NRXN1: variants seen among roughly 807,000 people sequenced by gnomAD.
NRXN1 encodes the protein neurexin 1.
Under a neutral mutation model 150.9 loss-of-function variants are expected in NRXN1, and 39 were observed. The observed-to-expected ratio is 0.26, with a 90% confidence interval of 0.20 to 0.34. The LOEUF (loss-of-function observed/expected upper bound fraction) is 0.34, where lower values mean the gene tolerates loss of function less well. Among genes scored for constraint, NRXN1 ranks in the 10% least tolerant of loss-of-function variants. NRXN1 has a pLI of 1.00. For synonymous variants in NRXN1, 924 were observed against 757.0 expected, an observed-to-expected ratio of 1.22 and a Z score of -3.62; for missense variants, 1,815 against 1,949.9, an observed-to-expected ratio of 0.93 and a Z score of 1.30.
At chr2:49,961,598 T>C (rs1490606144) in intron 21 of NRXN1, among the ~76,000 whole-genome samples, 1 of 152,178 alleles carries the variant, frequency 6.6e-6, no homozygotes, top group African/African-American at 2.4e-5. Flanking sequence ...TCATTTATTT[T>C]AAACAAAAAT....
chr2:50,644,012 T>TTTTG (rs981108998), intron 5 of NRXN1, among the ~76,000 whole-genome samples: 1 of 151,812 alleles, frequency 6.6e-6, no homozygotes, highest in South Asian at 2.1e-4. Flanking sequence ...TGTTGGTTTT[T>TTTTG]TTTGTTTGTT....
chr2:50,972,876 A>C (rs1695235815), intron 2 of NRXN1, among the ~76,000 whole-genome samples: 1 of 152,176 alleles, frequency 6.6e-6, no homozygotes, highest in Admixed American at 6.5e-5. Context: ...ACTTACAGGC[A>C]AGACTTGATA....
intron 2 of NRXN1, among the ~76,000 whole-genome samples, chr2:50,927,112 T>C (rs530421375): frequency 1.3e-5 from 2 of 152,112 alleles, no homozygotes; most frequent in South Asian, 4.1e-4. Context: ...AATTGTACTT[T>C]ATAAACTCAT....
rs567118783 is a variant in NRXN1 at position 50,436,928 on chromosome 2, C to T, written c.3364+28514G>A. Among the ~76,000 whole-genome samples, 37 of 152,152 alleles carry T rather than the reference C, an allele frequency of 2.4e-4. No individual in the cohort carries two copies. In the South Asian group the frequency reaches 4.4e-3, roughly 18 times the overall value. On this transcript the variant is annotated intron_variant, in intron 17 of 22. Transcript: ENST00000401669. The stretch of plus-strand genomic sequence containing the variant: ...TTCCATCTCCCAAAGTAATTTGTCT[C>T]CTAATAATAATCATAATTACCTTCT...
At chr2:50,174,728 TA>T (rs1355289677) in intron 18 of NRXN1, 2 of 152,166 alleles carry the variant, frequency 1.3e-5, no homozygotes, top group African/African-American at 4.8e-5. Flanking sequence ...AAGGATTAAA[TA>T]AATTACTATA....
intron 5 of NRXN1, among the ~76,000 whole-genome samples, chr2:50,658,411 G>GGTGTGT (rs58970263): frequency 0.014 from 2,037 of 144,760 alleles, 27 homozygotes; most frequent in South Asian, 0.036. Context: ...TGCATTCACT[G>GGTGTGT]GTGTGTGTGT....
chr2:50,959,142 TATC>T (rs1412861176), intron 2 of NRXN1, among the ~76,000 whole-genome samples: 3 of 152,096 alleles, frequency 2.0e-5, no homozygotes, highest in Admixed American at 6.6e-5. Flanking sequence ...TGATTTTTCT[TATC>T]ATACACTGCT....
rs576760424 is a variant in NRXN1 at position 50,800,553 on chromosome 2, T to C, written c.832+121316A>G. Among the ~76,000 whole-genome samples the C allele has an allele frequency of 5.4e-4, 82 of 152,154 alleles. No individual in the cohort carries two copies. In the South Asian group the frequency reaches 0.016, roughly 30 times the overall value. On this transcript the variant is annotated intron_variant, in intron 5 of 22. Coordinates refer to ENST00000401669, the MANE Select transcript of NRXN1 (RefSeq NM_001330078.2). ...AGCTATAAAATGAATAAATTAATAA[T>C]GAATTTTTTTTTTAAGACAAAGTTT...
intron 1 of NRXN1, among the ~76,000 whole-genome samples, chr2:51,029,692 A>G (rs992176044): frequency 2.6e-5 from 4 of 152,228 alleles, no homozygotes; most frequent in Admixed American, 6.5e-5. Flanking sequence ...TATTTTTCTT[A>G]GAAGGAATAT....
At chr2:50,535,080 T>C (rs2105235825) in intron 10 of NRXN1, among the ~76,000 whole-genome samples, 1 of 152,328 alleles carries the variant, frequency 6.6e-6, no homozygotes, top group African/African-American at 2.4e-5. Flanking sequence ...CCTAAACGAT[T>C]CCTCACAATT....
At chr2:50,550,554 T>G (rs1379021485) in intron 9 of NRXN1, among the ~76,000 whole-genome samples, 1 of 151,976 alleles carries the variant, frequency 6.6e-6, no homozygotes, top group Non-Finnish European at 1.5e-5. Flanking sequence ...AAAGTTCATA[T>G]GTACCAAATT....
At chr2:50,696,954 C>T (rs1692986491) in intron 5 of NRXN1, among the ~76,000 whole-genome samples, 1 of 152,084 alleles carries the variant, frequency 6.6e-6, no homozygotes, top group South Asian at 2.1e-4. Flanking sequence ...TTGTTAATTT[C>T]CACTTTTGTT....
intron 5 of NRXN1, among the ~76,000 whole-genome samples, chr2:50,627,266 C>T (rs1446706616): frequency 5.9e-5 from 9 of 151,262 alleles, no homozygotes; most frequent in Non-Finnish European, 1.3e-4. Flanking sequence ...GATCAGTTAA[C>T]TAAACATTTG....
chr2:51,012,245 C>G (rs1667994567), intron 2 of NRXN1, among the ~76,000 whole-genome samples: 1 of 151,964 alleles, frequency 6.6e-6, no homozygotes, highest in African/African-American at 2.4e-5. Flanking sequence ...AACTTAGCCT[C>G]TATAACATTC....
At chr2:50,573,983 C>T (rs1671036773) in intron 8 of NRXN1, among the ~76,000 whole-genome samples, 1 of 151,974 alleles carries the variant, frequency 6.6e-6, no homozygotes, top group Admixed American at 6.6e-5. Context: ...AACCAATCCC[C>T]CTCAGATGGT....
At chr2:50,191,047 G>C (rs62135867) in intron 18 of NRXN1, among the ~76,000 whole-genome samples, 15,028 of 151,492 alleles carry the variant, frequency 0.099, 877 homozygotes, top group South Asian at 0.16. Context: ...TTCTTTCTTT[G>C]AGACGGAGTC....
At chr2:50,405,222 A>G (rs2082676177) in intron 17 of NRXN1, among the ~76,000 whole-genome samples, 1 of 152,150 alleles carries the variant, frequency 6.6e-6, no homozygotes, top group Non-Finnish European at 1.5e-5. Context: ...GCAGATTGAT[A>G]TGCATCACAG....
chr2:50,366,622 A>G (rs2153015045), intron 17 of NRXN1, among the ~76,000 whole-genome samples: 1 of 152,118 alleles, frequency 6.6e-6, no homozygotes, highest in East Asian at 1.9e-4. Flanking sequence ...GAAAAAATGT[A>G]AATTGAATTT....
At chr2:50,055,725 C>A (rs1191878734) in intron 19 of NRXN1, among the ~76,000 whole-genome samples, 1 of 152,142 alleles carries the variant, frequency 6.6e-6, no homozygotes, top group African/African-American at 2.4e-5. Flanking sequence ...ATTTGAGTGT[C>A]CTTGAGTTTC....
Sources: allele counts gnomAD v4.1 joint callset (sites outside exome capture counted in the v4.1 genomes callset), GRCh38; gene constraint gnomAD v4.1.1; transcripts MANE v1.5; gene names NCBI Gene and HGNC (gene_info 2026-07-23, HGNC 2026-07-21).